The following CUL4A variants were observed in gnomAD, a reference collection of about 807,000 sequenced individuals.
The protein encoded by CUL4A is cullin-4A.
In CUL4A, 16 loss-of-function variants were observed where a neutral mutation model predicts 95.5. The ratio of observed to expected loss-of-function variants is 0.17; its 90% CI spans 0.11 to 0.25. The LOEUF is 0.25. Among genes scored for constraint, CUL4A ranks in the 10% least tolerant of loss-of-function variants. The pLI is 1.00. For synonymous variants in CUL4A, 380 were observed against 353.1 expected, an observed-to-expected ratio of 1.08 and a Z score of -0.85; for missense variants, 610 against 937.0, an observed-to-expected ratio of 0.65 and a Z score of 4.56.
At chr13:113,231,758 C>T (rs2041317917) in intron 5 of CUL4A, among the ~76,000 whole-genome samples, 1 of 152,170 alleles carries the variant, frequency 6.6e-6, no homozygotes, top group Non-Finnish European at 1.5e-5. Flanking sequence ...GCCCACAAGT[C>T]TGGCCACTGC....
chr13:113,211,475 C>T (rs2040442556), intron 2 of CUL4A, among the ~76,000 whole-genome samples: 1 of 152,236 alleles, frequency 6.6e-6, no homozygotes, highest in South Asian at 2.1e-4. Context: ...ACCTCCACCT[C>T]GCAGGTTCAA....
intron 2 of CUL4A, among the ~76,000 whole-genome samples, chr13:113,217,878 A>G (rs1313592940): frequency 6.6e-6 from 1 of 152,222 alleles, no homozygotes; most frequent in Non-Finnish European, 1.5e-5. Flanking sequence ...AGAACTGGTA[A>G]GAATGTACAA....
At chr13:113,222,819 G>T (rs548243078) in intron 3 of CUL4A, among the ~76,000 whole-genome samples, 1 of 152,162 alleles carries the variant, frequency 6.6e-6, no homozygotes, top group African/African-American at 2.4e-5. Flanking sequence ...AGGATTGCAC[G>T]AGCCCAGGAG....
chr13:113,208,954 C>A, upstream of CUL4A: 1 of 1,240,776 alleles, frequency 8.1e-7, no homozygotes, highest in Non-Finnish European at 1.0e-6. Flanking sequence ...ACTGCGCTGA[C>A]CCTTCGTCTG....
intron 3 of CUL4A, among the ~76,000 whole-genome samples, chr13:113,223,585 C>T (rs745610220): frequency 6.6e-6 from 1 of 152,138 alleles, no homozygotes; most frequent in African/African-American, 2.4e-5. Context: ...TTAGTAGAAA[C>T]GGGGTTTCTC....
In CUL4A at chr13:113,253,205, CTG is replaced by C. The variant is rs2042037538; in HGVS notation, c.1752+12_1752+13del. On this transcript the variant is annotated intron_variant, in intron 16 of 19. Coordinates refer to ENST00000375440, the MANE Select transcript of CUL4A (RefSeq NM_001008895.4). Reference sequence around the variant, plus strand: ...AGCGGAGTTTAAAGAAGTAAGTTGTCTGTTTCATTTATTTTTTATTATTTGTA... The same window carrying C: ...AGCGGAGTTTAAAGAAGTAAGTTGTCTTTCATTTATTTTTTATTATTTGTA... The C allele has an allele frequency of 7.1e-7, 1 of 1,416,426 alleles. No homozygotes were observed. The highest frequency in any genetic ancestry group is 9.6e-7 in the Non-Finnish European group (1 of 1,037,718). 87.7% of individuals were successfully genotyped at this position (1,416,426 alleles called of 1,614,324 possible). A position where few individuals can be genotyped will look rare whatever the true frequency, so the allele number is the denominator to read the frequency against.
At chr13:113,226,753 A>C (rs2139152062) in intron 3 of CUL4A, among the ~76,000 whole-genome samples, 1 of 152,340 alleles carries the variant, frequency 6.6e-6, no homozygotes, top group East Asian at 1.9e-4. Context: ...GGCTGGGCAC[A>C]CTGGCTCATA....
At chr13:113,258,932 A>C (rs1414260637) in intron 18 of CUL4A, among the ~76,000 whole-genome samples, 3 of 152,224 alleles carry the variant, frequency 2.0e-5, no homozygotes, top group African/African-American at 7.2e-5. Context: ...GCTCAGATCC[A>C]TGAAGCATTT....
upstream of CUL4A, chr13:113,208,432 G>A: frequency 3.3e-6 from 5 of 1,502,684 alleles, no homozygotes; most frequent in Non-Finnish European, 4.4e-6. Context: ...GCCTTCCCGA[G>A]TCCCGGCCGC....
intron 3 of CUL4A, among the ~76,000 whole-genome samples, chr13:113,224,491 G>A (rs893194564): frequency 1.3e-5 from 2 of 152,230 alleles, no homozygotes; most frequent in African/African-American, 2.4e-5. Flanking sequence ...AGGCAGTGGT[G>A]GACACCATGA....
At chr13:113,241,960 T>TA (rs2041725510) in intron 10 of CUL4A, among the ~76,000 whole-genome samples, 1 of 152,146 alleles carries the variant, frequency 6.6e-6, no homozygotes, top group African/African-American at 2.4e-5. Flanking sequence ...CATCAAATGT[T>TA]AACTGTTTAT....
At chr13:113,219,495 G>A (rs546462934) in intron 3 of CUL4A, 21 of 158,202 alleles carry the variant, frequency 1.3e-4, no homozygotes, top group Admixed American at 1.1e-3. Context: ...CCAGGTTGGG[G>A]CCTCACCTGA....
rs7324498 is a variant in CUL4A, at chr13:113,239,312, T to C, written c.917-121T>C. ...ACCTGCTCATGTAGAGGCAGCGATG[T>C]GGAGACCCGCCCAATTTCTAAGCGG... On this transcript the variant is annotated intron_variant, in intron 9 of 19. Transcript: ENST00000375440. 2,097 of 834,406 alleles carry C rather than the reference T, an allele frequency of 2.5e-3. 31 individuals carry two copies. The African/African-American group carries it at 0.031, about 12-fold the overall frequency. 51.7% of individuals were successfully genotyped at this position (834,406 alleles called of 1,614,324 possible). A position where few individuals can be genotyped will look rare whatever the true frequency, so the allele number is the denominator to read the frequency against.
intron 19 of CUL4A, 113 bp from the exon 20 acceptor site, chr13:113,263,374 G>T: frequency 5.0e-6 from 2 of 401,722 alleles, no homozygotes; most frequent in Non-Finnish European, 9.0e-6. Context: ...ATATCTATTT[G>T]TATATATATT....
intron 5 of CUL4A, chr13:113,229,949 A>G (rs1297634404): frequency 1.6e-5 from 6 of 382,644 alleles, no homozygotes; most frequent in African/African-American, 1.0e-4. Context: ...CATAGCACTC[A>G]TCGTCCGTCA....
intron 5 of CUL4A, among the ~76,000 whole-genome samples, chr13:113,230,483 TCTC>T (rs1322487621): frequency 6.6e-6 from 1 of 152,018 alleles, no homozygotes; most frequent in Non-Finnish European, 1.5e-5. Flanking sequence ...CTCCCAAACA[TCTC>T]CTAGTAGGCA....
At chr13:113,221,011 G>A (rs753136784) in intron 3 of CUL4A, among the ~76,000 whole-genome samples, 7 of 152,210 alleles carry the variant, frequency 4.6e-5, no homozygotes, top group South Asian at 2.1e-4. Flanking sequence ...AGAACTGCGC[G>A]TCAGGCCAGG....
intron 16 of CUL4A, 25 bp from the exon 17 acceptor site, chr13:113,254,668 G>A (rs1953106935): frequency 7.0e-7 from 1 of 1,420,060 alleles, no homozygotes; most frequent in African/African-American, 1.4e-5. Context: ...CAGCTTCAGA[G>A]GTGTGATGAG....
rs539021738 is a variant in CUL4A, at chr13:113,213,821, C to T, written c.264+3733C>T. On this transcript the variant is annotated intron_variant, in intron 2 of 19. Coordinates refer to ENST00000375440, the MANE Select transcript of CUL4A (RefSeq NM_001008895.4). Reference sequence around the variant, plus strand: ...TCCAGGGGCATCTCTGGAGGTGCTGCCCCACCAGGGGATATGTGGAATCAG... The same window carrying T: ...TCCAGGGGCATCTCTGGAGGTGCTGTCCCACCAGGGGATATGTGGAATCAG... Among the ~76,000 whole-genome samples the T allele has an allele frequency of 9.2e-5, 14 of 152,318 alleles. No individual in the cohort carries two copies. The South Asian group carries it at 2.9e-3, about 32-fold the overall frequency.
Sources: gnomAD v4.1 joint callset for allele counts (sites outside exome capture counted in the v4.1 genomes callset) on GRCh38, gnomAD v4.1.1 for gene constraint, MANE v1.5 for transcripts, NCBI Gene and HGNC (gene_info 2026-07-23, HGNC 2026-07-21) for gene names.